The following PTPRN2 variants were observed in gnomAD, a reference collection of about 807,000 sequenced individuals.
The protein encoded by PTPRN2 is protein tyrosine phosphatase receptor type N2, also known as receptor-type tyrosine-protein phosphatase N2.
A neutral mutation model predicts 118.8 loss-of-function variants in PTPRN2; 74 were observed. The observed-to-expected ratio is 0.62, with a 90% CI of 0.52 to 0.76. The LOEUF (loss-of-function observed/expected upper bound fraction) is 0.76. PTPRN2 is among the 30% of genes least tolerant of loss of function. The probability of loss-of-function intolerance (pLI) is 0.00; values close to 1 mark genes in which losing one functional copy is unlikely to be tolerated. For missense variants in PTPRN2, 1,481 were observed against 1,394.4 expected (o/e 1.06, Z -0.99); for synonymous variants, 641 against 608.0 (o/e 1.05, Z -0.80).
intron 2 of PTPRN2, among the ~76,000 whole-genome samples, chr7:158,384,469 G>A (rs1436285373): frequency 6.6e-6 from 1 of 152,188 alleles, no homozygotes; most frequent in Non-Finnish European, 1.5e-5. Context: ...TCCACAGTGT[G>A]AGAGGGCAGG....
chr7:158,336,312 T>G (rs1805512272), intron 2 of PTPRN2, among the ~76,000 whole-genome samples: 1 of 135,854 alleles, frequency 7.4e-6, no homozygotes, highest in Non-Finnish European at 1.6e-5. Context: ...ACACCCACAC[T>G]CTCACCATAA....
chr7:157,932,831 A>AT (rs1799441491), intron 11 of PTPRN2, among the ~76,000 whole-genome samples: 1 of 150,496 alleles, frequency 6.6e-6, no homozygotes, highest in African/African-American at 2.5e-5. Flanking sequence ...TTTGACTGAC[A>AT]TTTATAGAGT....
At chr7:158,458,530 G>GC (rs1818707213) in intron 2 of PTPRN2, among the ~76,000 whole-genome samples, 1 of 151,874 alleles carries the variant, frequency 6.6e-6, no homozygotes. Flanking sequence ...GCAAAACCAC[G>GC]CCCCCACCCA....
At chr7:157,726,713 G>A (rs1799623082) in intron 12 of PTPRN2, among the ~76,000 whole-genome samples, 3 of 152,208 alleles carry the variant, frequency 2.0e-5, no homozygotes, top group Admixed American at 2.0e-4. Context: ...AGAGCGAAAA[G>A]ACAACCCATA....
chr7:158,064,452 G>C (rs1298518258), intron 11 of PTPRN2, among the ~76,000 whole-genome samples: 1 of 152,142 alleles, frequency 6.6e-6, no homozygotes, highest in East Asian at 1.9e-4. Flanking sequence ...TCACAGCCAT[G>C]GGGGAGCCGG....
intron 12 of PTPRN2, among the ~76,000 whole-genome samples, chr7:157,843,418 G>A (rs984377691): frequency 2.0e-5 from 3 of 152,170 alleles, no homozygotes; most frequent in African/African-American, 7.2e-5. Flanking sequence ...GGGGTTTATG[G>A]GCTGGTTTCA....
chr7:157,877,113 G>A (rs1795815723), intron 12 of PTPRN2, among the ~76,000 whole-genome samples: 1 of 150,866 alleles, frequency 6.6e-6, no homozygotes, highest in Middle Eastern at 3.5e-3. Context: ...GGTTTCCTCG[G>A]GGACCCCGGC....
intron 6 of PTPRN2, among the ~76,000 whole-genome samples, chr7:158,150,038 C>G (rs964216750): frequency 3.9e-5 from 6 of 152,182 alleles, no homozygotes; most frequent in African/African-American, 1.4e-4. Context: ...AGTGTGGCAT[C>G]AAGGGCATGA....
intron 3 of PTPRN2, among the ~76,000 whole-genome samples, chr7:158,262,776 A>G (rs1797562470): frequency 7.2e-6 from 1 of 139,696 alleles, no homozygotes; most frequent in Non-Finnish European, 1.6e-5. Context: ...ACACATTCAC[A>G]CACACTACAC....
At chr7:157,889,019 T>G (rs751529872) in intron 12 of PTPRN2, among the ~76,000 whole-genome samples, 1 of 152,216 alleles carries the variant, frequency 6.6e-6, no homozygotes, top group East Asian at 1.9e-4. Flanking sequence ...GTTATAACTT[T>G]GCAATTCCCT....
chr7:158,249,877 C>T (rs980715814), intron 3 of PTPRN2, among the ~76,000 whole-genome samples: 2 of 152,196 alleles, frequency 1.3e-5, no homozygotes, highest in Non-Finnish European at 2.9e-5. Flanking sequence ...CGTCCCTCCC[C>T]CAGTGTGTGT....
intron 21 of PTPRN2, among the ~76,000 whole-genome samples, chr7:157,552,366 C>T (rs964002296): frequency 1.3e-4 from 20 of 152,180 alleles, no homozygotes; most frequent in Non-Finnish European, 2.1e-4. Context: ...TCGTGCAAAG[C>T]GGCTGGCCGT....
chr7:157,802,610 A>G (rs1805385560), intron 12 of PTPRN2, among the ~76,000 whole-genome samples: 1 of 152,202 alleles, frequency 6.6e-6, no homozygotes, highest in African/African-American at 2.4e-5. Context: ...GGATTGCTGA[A>G]TCATATGGTG....
At chr7:158,518,239 A>G (rs1259518441) in intron 1 of PTPRN2, among the ~76,000 whole-genome samples, 1 of 152,170 alleles carries the variant, frequency 6.6e-6, no homozygotes, top group African/African-American at 2.4e-5. Flanking sequence ...GGATATGAAC[A>G]TTAATAGAGA....
intron 3 of PTPRN2, among the ~76,000 whole-genome samples, chr7:158,286,815 T>C (rs1378659052): frequency 6.6e-6 from 1 of 152,226 alleles, no homozygotes; most frequent in Non-Finnish European, 1.5e-5. Flanking sequence ...TAATTTTCTT[T>C]TCTTATAGTG....
intron 6 of PTPRN2, among the ~76,000 whole-genome samples, chr7:158,156,635 A>C (rs1469370352): frequency 6.6e-6 from 1 of 152,226 alleles, no homozygotes; most frequent in Admixed American, 6.5e-5. Flanking sequence ...TCAGACCCAA[A>C]GCAAACCAAC....
chr7:158,084,010 G>A (rs1310330589), intron 10 of PTPRN2, among the ~76,000 whole-genome samples: 1 of 152,256 alleles, frequency 6.6e-6, no homozygotes, highest in Non-Finnish European at 1.5e-5. Flanking sequence ...TCACTGTTCT[G>A]TGGCCCTCCT....
At chr7:158,502,737 G>A (rs377601902) in intron 1 of PTPRN2, among the ~76,000 whole-genome samples, 6 of 151,492 alleles carry the variant, frequency 4.0e-5, no homozygotes, top group Non-Finnish European at 8.8e-5. Context: ...TCAAATTCAC[G>A]CTGAGCCACT....
chr7:157,746,556 C>T (rs1314218510), intron 12 of PTPRN2, among the ~76,000 whole-genome samples: 1 of 151,754 alleles, frequency 6.6e-6, no homozygotes, highest in Admixed American at 6.6e-5. Context: ...CTACACCCCA[C>T]AGTCCTCACG....
Sources: allele counts gnomAD v4.1 joint callset (sites outside exome capture counted in the v4.1 genomes callset), GRCh38; gene constraint gnomAD v4.1.1; transcripts MANE v1.5; gene names NCBI Gene and HGNC (gene_info 2026-07-23, HGNC 2026-07-21).